The following GLIS3 variants were observed in gnomAD, a reference collection of about 807,000 sequenced individuals.
GLIS3 encodes the protein GLIS family zinc finger 3.
In GLIS3, 53 loss-of-function variants were observed where a neutral mutation model predicts 78.6. The observed-to-expected ratio is 0.67, with a 90% confidence interval of 0.54 to 0.85. The LOEUF is 0.85. Among genes scored for constraint, GLIS3 ranks in the 40% least tolerant of loss-of-function variants. The pLI, the probability that GLIS3 is intolerant of heterozygous loss-of-function variation, is 0.00. For missense variants in GLIS3, 1,703 were observed against 1,231.1 expected (o/e 1.38, Z -5.74); for synonymous variants, 684 against 509.9 (o/e 1.34, Z -4.60).
At chr9:4,367,409 G>A in the GLIS3 span, among the ~76,000 whole-genome samples, 1 of 151,996 alleles carries the variant, frequency 6.6e-6, no homozygotes, top group Non-Finnish European at 1.5e-5. Context: ...ACCTTCCGGA[G>A]GCCTTCCTTG....
chr9:3,832,474 C>T (rs1818105528), intron 9 of GLIS3, among the ~76,000 whole-genome samples: 1 of 152,170 alleles, frequency 6.6e-6, no homozygotes, highest in African/African-American at 2.4e-5. Context: ...TTGCTCATGG[C>T]TCCTCAATCC....
intron 2 of GLIS3, among the ~76,000 whole-genome samples, chr9:4,320,048 G>C (rs909971921): frequency 6.6e-6 from 1 of 151,030 alleles, no homozygotes; most frequent in African/African-American, 2.4e-5. Context: ...AGTCAAATTA[G>C]TTGCTAAGTA....
chr9:3,992,987 G>C (rs555748954), intron 4 of GLIS3, among the ~76,000 whole-genome samples: 2 of 152,310 alleles, frequency 1.3e-5, no homozygotes, highest in African/African-American at 4.8e-5. Context: ...AACCAGCTAA[G>C]GCTCTCAGTA....
chr9:4,287,157 G>A (rs1254438580), intron 1 of GLIS3, among the ~76,000 whole-genome samples: 1 of 152,100 alleles, frequency 6.6e-6, no homozygotes, highest in East Asian at 1.9e-4. Context: ...CCTGAGTTAT[G>A]GGGATGGGAA....
chr9:4,076,668 T>C (rs536272932), intron 4 of GLIS3, among the ~76,000 whole-genome samples: 2 of 152,326 alleles, frequency 1.3e-5, no homozygotes, highest in African/African-American at 4.8e-5. Context: ...AAAATGTGAA[T>C]TTAAATATGT....
At chr9:4,462,457 T>C in the GLIS3 span, among the ~76,000 whole-genome samples, 1 of 151,930 alleles carries the variant, frequency 6.6e-6, no homozygotes, top group South Asian at 2.1e-4. Flanking sequence ...ATCAGAGAGT[T>C]AAAAAGAAGG....
chr9:3,828,945 G>C (rs771180552), intron 10 of GLIS3, among the ~76,000 whole-genome samples: 6 of 152,136 alleles, frequency 3.9e-5, no homozygotes, highest in Non-Finnish European at 8.8e-5. Flanking sequence ...TAGGCAATTG[G>C]AAACTATTTA....
chr9:4,237,176 AT>A (rs1822844721), intron 2 of GLIS3, among the ~76,000 whole-genome samples: 1 of 119,496 alleles, frequency 8.4e-6, no homozygotes, highest in South Asian at 2.7e-4. Context: ...AAACTGTATT[AT>A]GTATTATAGC....
chr9:4,312,087 A>G (rs533690948), intron 2 of GLIS3, among the ~76,000 whole-genome samples: 2 of 152,364 alleles, frequency 1.3e-5, no homozygotes, highest in South Asian at 2.1e-4. Flanking sequence ...CCCGCATGAC[A>G]TGAGTTTACC....
At chr9:4,051,853 G>T (rs1314880269) in intron 4 of GLIS3, among the ~76,000 whole-genome samples, 1 of 152,120 alleles carries the variant, frequency 6.6e-6, no homozygotes, top group African/African-American at 2.4e-5. Context: ...TGGGCTTTTT[G>T]CCATTTGTAT....
the GLIS3 span, among the ~76,000 whole-genome samples, chr9:4,415,646 A>T: frequency 1.3e-5 from 2 of 152,252 alleles, no homozygotes; most frequent in African/African-American, 4.8e-5. Flanking sequence ...GCTAAGAAAC[A>T]GTGCAAATGT....
chr9:3,829,459 G>C lies in GLIS3; in HGVS notation c.2507C>G (p.Pro836Arg), dbSNP rs139986714. Residue 836 changes from proline (P) to arginine (R), a missense_variant, in exon 10 of 11, where the codon CCA becomes CGA. Physicochemically the swap from Pro to Arg is moderately radical, Grantham distance 103. Transcript: ENST00000381971. Reference protein sequence around the residue: ...FYGQLQKFCPPHYPDSQRIVP... With the variant: ...FYGQLQKFCPRHYPDSQRIVP... ...AATTCTCTGGGAATCGGGGTAGTGT[G>C]GGGGACAGAACTTCTGCAGCTGCCC... is the stretch of plus-strand genomic sequence containing the variant. The C allele has an allele frequency of 1.2e-6, 2 of 1,614,130 alleles. No homozygotes were observed. The highest frequency in any genetic ancestry group is 2.2e-5 in the East Asian group (1 of 44,880).
the GLIS3 span, among the ~76,000 whole-genome samples, chr9:4,476,852 G>C: frequency 6.6e-6 from 1 of 152,090 alleles, no homozygotes. Context: ...AATTTGAATT[G>C]ATTCATCTCT....
the GLIS3 span, among the ~76,000 whole-genome samples, chr9:4,407,553 A>G: frequency 6.6e-6 from 1 of 152,210 alleles, no homozygotes. Context: ...AGGCTGAGGC[A>G]GGAGAATGGC....
chr9:4,081,619 T>C (rs1828558429), intron 4 of GLIS3, among the ~76,000 whole-genome samples: 1 of 152,226 alleles, frequency 6.6e-6, no homozygotes. Context: ...TATATTTTGA[T>C]TGTGCTAAGC....
chr9:4,282,046 T>C (rs371167417), intron 2 of GLIS3, among the ~76,000 whole-genome samples: 1 of 152,178 alleles, frequency 6.6e-6, no homozygotes, highest in African/African-American at 2.4e-5. Context: ...ATCAAATGTA[T>C]ACTTCTCATG....
At chr9:4,057,271 A>G (rs774431356) in intron 4 of GLIS3, among the ~76,000 whole-genome samples, 1 of 152,150 alleles carries the variant, frequency 6.6e-6, no homozygotes, top group Admixed American at 6.5e-5. Flanking sequence ...ATCATTTTAA[A>G]ATTCTTAATC....
the GLIS3 span, among the ~76,000 whole-genome samples, chr9:4,373,763 G>A: frequency 1.3e-5 from 2 of 151,722 alleles, no homozygotes; most frequent in Non-Finnish European, 1.5e-5. Context: ...CACCTCCTGG[G>A]TTCAAGCAAT....
intron 4 of GLIS3, among the ~76,000 whole-genome samples, chr9:4,020,662 T>C (rs1822813405): frequency 6.6e-6 from 1 of 152,352 alleles, no homozygotes; most frequent in East Asian, 1.9e-4. Context: ...GATTTTGCAG[T>C]AAAAGCCTGA....
Sources: allele counts gnomAD v4.1 joint callset (sites outside exome capture counted in the v4.1 genomes callset), GRCh38; gene constraint gnomAD v4.1.1; transcripts MANE v1.5; gene names NCBI Gene and HGNC (gene_info 2026-07-23, HGNC 2026-07-21).